Variants in SBSPON observed in about 807,000 individuals in gnomAD.
SBSPON encodes somatomedin-B and thrombospondin type-1 domain-containing protein.
In SBSPON, 30 loss-of-function variants were observed where a neutral mutation model predicts 35.8. That is an observed-to-expected ratio of 0.84 (90% CI 0.63 to 1.14). The LOEUF (loss-of-function observed/expected upper bound fraction) is 1.14, where lower values mean the gene tolerates loss of function less well. SBSPON is among the 50% of genes most tolerant of loss of function. The probability of loss-of-function intolerance (pLI) is 0.00; values close to 1 mark genes in which losing one functional copy is unlikely to be tolerated. For synonymous variants in SBSPON, 136 were observed against 135.9 expected (o/e 1.00, Z 0.00); for missense variants, 364 against 357.7 (o/e 1.02, Z -0.14).
At chr8:73,086,601 T>G (rs1185197427) in intron 1 of SBSPON, among the ~76,000 whole-genome samples, 1 of 152,186 alleles carries the variant, frequency 6.6e-6, no homozygotes, top group Non-Finnish European at 1.5e-5. Flanking sequence ...ATCAAGACTT[T>G]TCTCCCTCTC....
At chr8:73,091,813 G>A (rs551115572) in intron 1 of SBSPON, among the ~76,000 whole-genome samples, 41 of 152,186 alleles carry the variant, frequency 2.7e-4, no homozygotes, top group Non-Finnish European at 2.8e-4. Flanking sequence ...GCCTGGCCAC[G>A]GGTTGAAGCC....
intron 1 of SBSPON, 22 bp downstream of exon 1, chr8:73,092,832 C>T (rs1389669317): frequency 4.4e-6 from 7 of 1,592,772 alleles, no homozygotes; most frequent in Admixed American, 3.4e-5. Flanking sequence ...GCCGGCGCCC[C>T]ACTCTCGGCC....
chr8:73,089,280 T>G (rs541273846), intron 1 of SBSPON, among the ~76,000 whole-genome samples: 1 of 152,120 alleles, frequency 6.6e-6, no homozygotes, highest in African/African-American at 2.4e-5. Context: ...TGGCTGGGCA[T>G]GGTAAGCTCA....
At position 73,071,009 on chromosome 8, in the gene SBSPON, G is replaced by GCT. The variant is rs557955754; in HGVS notation, c.500+769_500+770dup. Among the ~76,000 whole-genome samples the GCT allele has an allele frequency of 2.8e-3, 428 of 152,278 alleles. 2 individuals are homozygous for GCT. The highest frequency in any genetic ancestry group is 4.6e-3 in the Non-Finnish European group (312 of 68,034). ...AATTTCAGAGAGCTAAGCCCAGACA[G>GCT]CTCTTTTTAAAAAAGTATTTATTTT... On this transcript the variant is annotated intron_variant, in intron 3 of 4. Transcript: ENST00000297354.
chr8:73,077,106 A>T (rs1439004624), intron 2 of SBSPON, among the ~76,000 whole-genome samples: 2 of 152,104 alleles, frequency 1.3e-5, no homozygotes, highest in African/African-American at 4.8e-5. Flanking sequence ...GGGTTTCACC[A>T]TGTTGGTCAG....
chr8:73,092,856 G>A lies in SBSPON; in HGVS notation c.212C>T (p.Pro71Leu). Reference protein sequence around the residue: ...DCCFDYDRACPARPCFVGEWS... With the variant: ...DCCFDYDRACLARPCFVGEWS... Reference sequence around the variant, plus strand: ...CCACTCTCGGCCTGACCACCCACCTGGGCACGCCCTGTCGTAGTCGAAGCA... The same window carrying A: ...CCACTCTCGGCCTGACCACCCACCTAGGCACGCCCTGTCGTAGTCGAAGCA... Residue 71 changes from proline to leucine, a missense_variant and splice_region_variant, in exon 1 of 5, where the codon CCA (proline) becomes CTA (leucine). Coordinates refer to ENST00000297354, the MANE Select transcript of SBSPON (RefSeq NM_153225.4). The A allele has an allele frequency of 6.2e-7, 1 of 1,609,978 alleles. No homozygotes were observed. Among genetic ancestry groups the A allele is most frequent in the African/African-American group, 1.3e-5 (1 of 74,768 alleles).
At chr8:73,075,776 G>A in intron 2 of SBSPON, 7 of 960,342 alleles carry the variant, frequency 7.3e-6, no homozygotes, top group Non-Finnish European at 8.7e-6. Context: ...ATGAAAAATT[G>A]ACAAATAATA....
intron 2 of SBSPON, among the ~76,000 whole-genome samples, chr8:73,078,801 T>C (rs960755316): frequency 2.6e-5 from 4 of 152,088 alleles, no homozygotes; most frequent in South Asian, 2.1e-4. Context: ...GACCTTAATA[T>C]GACCACCGTA....
In SBSPON at chr8:73,076,970, A is replaced by G. The variant is rs748928380; in HGVS notation, c.409+4049T>C. ...TGCCCAGACTGGAGTGCAATGGCAC[A>G]ATCTTGGCTCACTGCAACCTCCACC... On this transcript the variant is annotated intron_variant, in intron 2 of 4. Transcript: ENST00000297354. Among the ~76,000 whole-genome samples the G allele has an allele frequency of 1.1e-4, 17 of 152,208 alleles. No homozygotes were observed. The Middle Eastern group carries it at 0.017, about 152-fold the overall frequency.
At chr8:73,091,561 G>A (rs72655859) in intron 1 of SBSPON, among the ~76,000 whole-genome samples, 14,844 of 152,150 alleles carry the variant, frequency 0.098, 732 homozygotes, top group South Asian at 0.15. Flanking sequence ...AAATGAGGCC[G>A]ACAGTTTAGG....
intron 1 of SBSPON, among the ~76,000 whole-genome samples, chr8:73,081,890 G>A (rs1028562552): frequency 2.2e-4 from 33 of 152,146 alleles, no homozygotes; most frequent in Non-Finnish European, 1.2e-4. Flanking sequence ...GAGTATTCAC[G>A]GTCACCCATG....
At chr8:73,081,773 C>CA (rs1810709969) in intron 1 of SBSPON, among the ~76,000 whole-genome samples, 1 of 152,312 alleles carries the variant, frequency 6.6e-6, no homozygotes, top group East Asian at 1.9e-4. Flanking sequence ...GACCCCTATA[C>CA]TCTAAGCTTC....
intron 3 of SBSPON, among the ~76,000 whole-genome samples, 189 bp downstream of exon 3, chr8:73,071,591 T>C (rs969070919): frequency 6.6e-6 from 1 of 152,154 alleles, no homozygotes; most frequent in African/African-American, 2.4e-5. Context: ...GGTAGATATA[T>C]CTTTATAGCT....
In SBSPON at chr8:73,081,157, T is replaced by C. The variant is rs747397533; in HGVS notation, c.271A>G (p.Lys91Glu). ...CGCCTCCGCACACGGGTTGTAGGCT[T>C]GCACTGGTCTGCACAACCACTCCAG... ...SPWSGCADQC[K>E]PTTRVRRRSV... Residue 91 changes from lysine to glutamate, a missense_variant, in exon 2 of 5, where the codon AAG (lysine) becomes GAG (glutamate). Physicochemically the swap from Lys to Glu is moderately conservative, Grantham distance 56. Coordinates refer to ENST00000297354, the MANE Select transcript of SBSPON (RefSeq NM_153225.4). The C allele has an allele frequency of 6.2e-7, 1 of 1,610,094 alleles. No homozygotes were observed. Among genetic ancestry groups the C allele is most frequent in the Non-Finnish European group, 8.5e-7 (1 of 1,177,910 alleles).
intron 4 of SBSPON, 143 bp from the exon 5 acceptor site, chr8:73,067,601 A>ATATATATATATATT: frequency 3.6e-5 from 1 of 28,026 alleles, no homozygotes; most frequent in East Asian, 2.2e-4. Flanking sequence ...ATATATATAT[A>ATATATATATATATT]TATATAGTTT....
Position 73,065,992 on chromosome 8 carries a change from T to C in SBSPON, c.*1349A>G, listed in dbSNP as rs983220274. 6.6e-6 allele frequency: 1 copy of C among 152,178 alleles called. No individual in the cohort carries two copies. Among genetic ancestry groups the C allele is most frequent in the Non-Finnish European group, 1.5e-5 (1 of 68,034 alleles). The allele number at this position is 152,178 out of a possible 1,614,324, so 9.4% of individuals were successfully genotyped here. A position where few individuals can be genotyped will look rare whatever the true frequency, so the allele number is the denominator to read the frequency against. On this transcript the variant is annotated 3_prime_UTR_variant, in exon 5 of 5. Transcript: ENST00000297354. ...TTAAATGAAAATACAGTAAAAAATA[T>C]TGCTACTCTCGGTGTTATTAATTAT...
At chr8:73,085,023 T>C (rs1316824454) in intron 1 of SBSPON, among the ~76,000 whole-genome samples, 1 of 152,134 alleles carries the variant, frequency 6.6e-6, no homozygotes, top group Non-Finnish European at 1.5e-5. Flanking sequence ...ATGTTCTACA[T>C]TGAAACAGAC....
intron 2 of SBSPON, among the ~76,000 whole-genome samples, chr8:73,080,138 C>T (rs1001527929): frequency 6.6e-6 from 1 of 152,118 alleles, no homozygotes; most frequent in Admixed American, 6.5e-5. Flanking sequence ...ATTGGCCACT[C>T]CAAAACCAGA....
At chr8:73,079,019 G>C (rs1371102811) in intron 2 of SBSPON, among the ~76,000 whole-genome samples, 1 of 152,128 alleles carries the variant, frequency 6.6e-6, no homozygotes, top group African/African-American at 2.4e-5. Context: ...AGCCAAAGAT[G>C]CTTATTCCTC....
Sources: allele counts gnomAD v4.1 joint callset (sites outside exome capture counted in the v4.1 genomes callset), GRCh38; gene constraint gnomAD v4.1.1; transcripts MANE v1.5; gene names NCBI Gene and HGNC (gene_info 2026-07-23, HGNC 2026-07-21).